The following VWA8 variants were observed in gnomAD, a reference collection of about 807,000 sequenced individuals.
VWA8 encodes the protein von Willebrand factor A domain containing 8.
Under a neutral mutation model 241.5 loss-of-function variants are expected in VWA8, and 221 were observed. The ratio of observed to expected loss-of-function variants is 0.91; its 90% confidence interval spans 0.82 to 1.02. VWA8 has a LOEUF of 1.02. Ranked by LOEUF, VWA8 falls within the 50% of genes least tolerant of loss-of-function variation. The probability of loss-of-function intolerance (pLI) is 0.00; values close to 1 mark genes in which losing one functional copy is unlikely to be tolerated. For synonymous variants in VWA8, 852 were observed against 827.1 expected (o/e 1.03, Z -0.52); for missense variants, 2,322 against 2,328.7 (o/e 1.00, Z 0.06).
intron 37 of VWA8, among the ~76,000 whole-genome samples, chr13:41,651,014 T>C (rs1043634954): frequency 2.0e-5 from 3 of 152,190 alleles, no homozygotes; most frequent in African/African-American, 4.8e-5. Flanking sequence ...AGGATTTTGC[T>C]TTGTCACTCA....
chr13:41,910,494 G>A (rs1210286249), intron 3 of VWA8, among the ~76,000 whole-genome samples: 1 of 150,808 alleles, frequency 6.6e-6, no homozygotes, highest in Non-Finnish European at 1.5e-5. Context: ...TGAGGCAGGA[G>A]AATCACTTGA....
intron 14 of VWA8, among the ~76,000 whole-genome samples, chr13:41,828,559 T>C (rs2137996735): frequency 6.6e-6 from 1 of 152,332 alleles, no homozygotes; most frequent in African/African-American, 2.4e-5. Context: ...AGACTACAAA[T>C]ATCCATATAT....
intron 42 of VWA8, among the ~76,000 whole-genome samples, chr13:41,581,576 G>A (rs2044383722): frequency 1.3e-5 from 2 of 152,306 alleles, no homozygotes; most frequent in Admixed American, 6.5e-5. Flanking sequence ...ACAAAGTGCT[G>A]CCTACTCACT....
intron 42 of VWA8, among the ~76,000 whole-genome samples, chr13:41,585,978 A>G (rs2044415500): frequency 6.6e-6 from 1 of 152,080 alleles, no homozygotes; most frequent in Non-Finnish European, 1.5e-5. Context: ...ACTGATCCAA[A>G]TATTGGCAAC....
chr13:41,754,732 ATACT>A (rs1416268439), intron 21 of VWA8, among the ~76,000 whole-genome samples: 1 of 152,092 alleles, frequency 6.6e-6, no homozygotes, highest in African/African-American at 2.4e-5. Context: ...CTCATTAACC[ATACT>A]TACTTCCGCA....
intron 26 of VWA8, chr13:41,719,366 T>C (rs2045366981): frequency 7.4e-7 from 1 of 1,358,756 alleles, no homozygotes; most frequent in South Asian, 1.7e-5. Flanking sequence ...CCTTTATTTA[T>C]TACATCTACT....
In VWA8 at chr13:41,887,235, G is replaced by A. The variant is rs1395047116; in HGVS notation, c.778C>T (p.Arg260Ter). Reference sequence around the variant, plus strand: ...TAATAAATATCCCTGGCTTGAAATCGAGAACGAAGAGGGGGGTCTAATGGA... The same window carrying A: ...TAATAAATATCCCTGGCTTGAAATCAAGAACGAAGAGGGGGGTCTAATGGA... ...GNPLDPPLRS[R>*]FQARDIYYLP... The change falls in exon 6 of 45, where the codon CGA (arginine) becomes TGA (stop). Residue 260 changes from arginine to a stop codon, truncating the protein, a stop_gained. Coordinates refer to ENST00000379310, the MANE Select transcript of VWA8 (RefSeq NM_015058.2). LOFTEE classifies it high-confidence loss of function. 1.9e-6 allele frequency: 3 copies of A among 1,613,090 alleles called. No individual in the cohort carries two copies. Among genetic ancestry groups the A allele is most frequent in the Non-Finnish European group, 2.5e-6 (3 of 1,179,722 alleles).
intron 36 of VWA8, among the ~76,000 whole-genome samples, chr13:41,672,819 A>C (rs1288617946): frequency 6.6e-6 from 1 of 152,192 alleles, no homozygotes; most frequent in Non-Finnish European, 1.5e-5. Flanking sequence ...CTGCAGGAAA[A>C]AACTTAGTAG....
chr13:41,752,364 C>T lies in VWA8; in HGVS notation c.2426+8764G>A, dbSNP rs201951827. Among the ~76,000 whole-genome samples the T allele has an allele frequency of 1.2e-4, 18 of 152,234 alleles. No individual in the cohort carries two copies. In the South Asian group the frequency reaches 2.3e-3, roughly 19 times the overall value. ...TCAGTGTCCCTCCTCAAGGCTCCCA[C>T]GACACCTGCACATGCTCTATCATAG... On this transcript the variant is annotated intron_variant, in intron 21 of 44. Coordinates refer to ENST00000379310, the MANE Select transcript of VWA8 (RefSeq NM_015058.2).
chr13:41,661,849 C>T (rs1305472355), intron 37 of VWA8, among the ~76,000 whole-genome samples: 1 of 152,148 alleles, frequency 6.6e-6, no homozygotes, highest in East Asian at 1.9e-4. Flanking sequence ...AGGTTTTAAA[C>T]ATGTGCTTGT....
chr13:41,882,048 C>CA (rs747660383), intron 9 of VWA8, among the ~76,000 whole-genome samples: 1 of 124,656 alleles, frequency 8.0e-6, no homozygotes, highest in Non-Finnish European at 1.7e-5. Flanking sequence ...ACTTCTCAGA[C>CA]GGGCGGTTGC....
At chr13:41,878,983 C>A (rs192558740) in intron 9 of VWA8, among the ~76,000 whole-genome samples, 2 of 152,118 alleles carry the variant, frequency 1.3e-5, no homozygotes, top group East Asian at 3.9e-4. Flanking sequence ...CATTACATTG[C>A]TTCATTTTAT....
rs1240997051 is a variant in VWA8, at chr13:41,885,937, C to A, written c.958G>T (p.Ala320Ser). 5 of 1,590,036 alleles carry A rather than the reference C, an allele frequency of 3.1e-6. No homozygotes were observed. Among genetic ancestry groups the A allele is most frequent in the Non-Finnish European group, 4.3e-6 (5 of 1,173,434 alleles). ...TTACTTACCAAGATTTGAACCGCAG[C>A]TGCTAAACTATCTAAAGGAAAGTCT... is the stretch of plus-strand genomic sequence containing the variant. ...LPDFPLDSLA[A>S]AVQILDSFPM... is the part of the protein sequence containing the mutation. The change falls in exon 8 of 45, where the codon GCT becomes TCT. Residue 320 changes from alanine to serine, a missense_variant. Transcript: ENST00000379310.
At chr13:41,676,722 T>A (rs1260043012) in intron 35 of VWA8, among the ~76,000 whole-genome samples, 1 of 152,198 alleles carries the variant, frequency 6.6e-6, no homozygotes, top group African/African-American at 2.4e-5. Context: ...AACCTCCGCC[T>A]CCTCTGTTCA....
intron 19 of VWA8, among the ~76,000 whole-genome samples, chr13:41,778,696 C>T (rs1264333006): frequency 1.3e-5 from 2 of 152,074 alleles, no homozygotes; most frequent in Admixed American, 1.3e-4. Flanking sequence ...AATTAATATT[C>T]CTATTACTTT....
intron 2 of VWA8, among the ~76,000 whole-genome samples, chr13:41,923,379 A>T (rs1018000045): frequency 1.3e-5 from 2 of 152,178 alleles, no homozygotes; most frequent in African/African-American, 4.8e-5. Context: ...GCACATGTAT[A>T]CATATGTAAC....
intron 14 of VWA8, among the ~76,000 whole-genome samples, chr13:41,824,653 C>A (rs1215383100): frequency 6.6e-6 from 1 of 151,748 alleles, no homozygotes; most frequent in Non-Finnish European, 1.5e-5. Flanking sequence ...CATAGAGAGA[C>A]CACCATCTCT....
intron 38 of VWA8, among the ~76,000 whole-genome samples, chr13:41,614,549 A>G (rs2044609303): frequency 6.6e-6 from 1 of 152,216 alleles, no homozygotes. Flanking sequence ...TTGCTGAAGA[A>G]AGAATTTACT....
At chr13:41,576,465 A>G (rs2044351042) in intron 42 of VWA8, among the ~76,000 whole-genome samples, 1 of 152,222 alleles carries the variant, frequency 6.6e-6, no homozygotes, top group Admixed American at 6.5e-5. Context: ...AATCCATAAC[A>G]TAACTGAAAC....
Sources: gnomAD v4.1 joint callset for allele counts (sites outside exome capture counted in the v4.1 genomes callset) on GRCh38, gnomAD v4.1.1 for gene constraint, MANE v1.5 for transcripts, NCBI Gene and HGNC (gene_info 2026-07-23, HGNC 2026-07-21) for gene names.